The following KIAA0825 variants were observed in gnomAD, a reference collection of about 807,000 sequenced individuals.
The protein encoded by KIAA0825 is KIAA0825, also known as uncharacterized protein KIAA0825.
In KIAA0825, 119 loss-of-function variants were observed where a neutral mutation model predicts 147.6. That is an observed-to-expected ratio of 0.81 (90% CI 0.69 to 0.94). The LOEUF (loss-of-function observed/expected upper bound fraction) is 0.94. KIAA0825 is among the 40% of genes least tolerant of loss of function. The pLI, the probability that KIAA0825 is intolerant of heterozygous loss-of-function variation, is 0.00. For synonymous variants in KIAA0825, 470 were observed against 518.1 expected (o/e 0.91, Z 1.26); for missense variants, 1,381 against 1,472.7 (o/e 0.94, Z 1.02).
At chr5:94,339,278 A>G (rs1782119046) in intron 20 of KIAA0825, among the ~76,000 whole-genome samples, 1 of 152,160 alleles carries the variant, frequency 6.6e-6, no homozygotes, top group Non-Finnish European at 1.5e-5. Flanking sequence ...TCTTATAAAT[A>G]AAGCACTTTA....
At chr5:94,298,970 G>A (rs943628245) in intron 20 of KIAA0825, among the ~76,000 whole-genome samples, 4 of 152,036 alleles carry the variant, frequency 2.6e-5, no homozygotes, top group Admixed American at 1.3e-4. Context: ...CCCTCAATTC[G>A]CACTGTGTGG....
chr5:94,529,584 C>T (rs1770358429), intron 3 of KIAA0825, among the ~76,000 whole-genome samples: 1 of 151,572 alleles, frequency 6.6e-6, no homozygotes, highest in Non-Finnish European at 1.5e-5. Flanking sequence ...GAGAATATTT[C>T]TAGAAAATTA....
chr5:94,504,801 G>A (rs901406168), intron 5 of KIAA0825, among the ~76,000 whole-genome samples: 5 of 146,244 alleles, frequency 3.4e-5, no homozygotes, highest in Middle Eastern at 3.7e-3. Context: ...AGGCTAGAGC[G>A]CAGTGGCGTA....
At chr5:94,418,682 A>C (rs1167337303) in intron 14 of KIAA0825, among the ~76,000 whole-genome samples, 2 of 152,068 alleles carry the variant, frequency 1.3e-5, no homozygotes, top group Admixed American at 6.5e-5. Context: ...TACTGGGGTT[A>C]TTAACCCCAG....
intron 14 of KIAA0825, among the ~76,000 whole-genome samples, chr5:94,417,568 G>C (rs558869460): frequency 6.6e-6 from 1 of 151,840 alleles, no homozygotes. Flanking sequence ...GGATATTTAT[G>C]GAAAAAAACA....
intron 20 of KIAA0825, among the ~76,000 whole-genome samples, chr5:94,283,594 T>C (rs1469718841): frequency 6.6e-6 from 1 of 152,142 alleles, no homozygotes; most frequent in East Asian, 1.9e-4. Context: ...AATGTAGATA[T>C]AGCAAAATTT....
At chr5:94,572,469 G>A (rs893076665) in intron 2 of KIAA0825, among the ~76,000 whole-genome samples, 2 of 152,138 alleles carry the variant, frequency 1.3e-5, no homozygotes, top group Admixed American at 1.3e-4. Flanking sequence ...ACTCACATAT[G>A]AACCATGTCA....
chr5:94,171,145 G>A (rs1426118086), intron 20 of KIAA0825, among the ~76,000 whole-genome samples: 1 of 152,148 alleles, frequency 6.6e-6, no homozygotes, highest in Middle Eastern at 3.2e-3. Context: ...CATGTCATGG[G>A]AGGAACTTGG....
intron 1 of KIAA0825, among the ~76,000 whole-genome samples, chr5:94,585,079 C>A (rs2152375223): frequency 6.6e-6 from 1 of 152,214 alleles, no homozygotes; most frequent in East Asian, 1.9e-4. Flanking sequence ...CCAGCCACTG[C>A]AAAAACATGC....
Position 94,546,954 on chromosome 5 carries a change from G to T in KIAA0825, c.-1-9827C>A, listed in dbSNP as rs188497647. 1.5e-3 allele frequency among the ~76,000 whole-genome samples: 230 copies of T among 151,710 alleles called. 1 individual carries two copies. Among genetic ancestry groups the T allele is most frequent in the Non-Finnish European group, 6.8e-4 (46 of 67,976 alleles). On this transcript the variant is annotated intron_variant, in intron 2 of 20. Coordinates refer to ENST00000682413, the MANE Select transcript of KIAA0825 (RefSeq NM_001145678.3). The stretch of plus-strand genomic sequence containing the variant: ...AATAGCTGTGTTGAGGAAAATCAAA[G>T]AAATTCAAGATAACGCAGAGAAGGA...
chr5:94,453,777 C>A (rs548283064), intron 12 of KIAA0825, among the ~76,000 whole-genome samples: 2 of 152,166 alleles, frequency 1.3e-5, no homozygotes, highest in South Asian at 4.1e-4. Context: ...ACTTATGCTT[C>A]CCATGAGTAG....
At chr5:94,425,232 C>T (rs1345404813) in intron 14 of KIAA0825, among the ~76,000 whole-genome samples, 1 of 152,002 alleles carries the variant, frequency 6.6e-6, no homozygotes, top group Non-Finnish European at 1.5e-5. Context: ...CAAAAATTGT[C>T]AATAAAATGC....
intron 20 of KIAA0825, among the ~76,000 whole-genome samples, chr5:94,280,473 G>T (rs1053049327): frequency 1.3e-5 from 2 of 152,038 alleles, no homozygotes; most frequent in African/African-American, 4.8e-5. Context: ...TGCATAAAGA[G>T]ATTTGCCATT....
At chr5:94,581,708 A>C (rs1782220170) in intron 2 of KIAA0825, among the ~76,000 whole-genome samples, 1 of 152,182 alleles carries the variant, frequency 6.6e-6, no homozygotes, top group African/African-American at 2.4e-5. Context: ...AATATCTTTG[A>C]ATTGAAGATA....
chr5:94,178,716 C>T (rs1332258873), intron 20 of KIAA0825, among the ~76,000 whole-genome samples: 1 of 151,972 alleles, frequency 6.6e-6, no homozygotes, highest in Non-Finnish European at 1.5e-5. Flanking sequence ...GGTGGGAATG[C>T]AAAATAGTGT....
intron 20 of KIAA0825, among the ~76,000 whole-genome samples, chr5:94,331,269 T>G (rs1031178078): frequency 2.0e-5 from 3 of 151,754 alleles, no homozygotes; most frequent in African/African-American, 7.3e-5. Context: ...TCTAGAAGCA[T>G]TAAAGGGATA....
intron 20 of KIAA0825, among the ~76,000 whole-genome samples, chr5:94,205,304 G>A (rs367621660): frequency 7.0e-4 from 53 of 76,088 alleles, no homozygotes; most frequent in African/African-American, 2.5e-3. Context: ...TATATATTTT[G>A]TTTTGTTTTG....
chr5:94,425,112 A>G (rs936418757), intron 14 of KIAA0825, among the ~76,000 whole-genome samples: 6 of 152,188 alleles, frequency 3.9e-5, no homozygotes, highest in African/African-American at 1.4e-4. Flanking sequence ...AAAAGAAGGG[A>G]ATGTTTCTTA....
At position 94,582,597 on chromosome 5, in the gene KIAA0825, G is replaced by T. The variant is rs1032502916; in HGVS notation, c.-152-14C>A. 1.3e-5 allele frequency: 2 copies of T among 151,750 alleles called. No homozygotes were observed. The highest frequency in any genetic ancestry group is 3.9e-4 in the East Asian group (2 of 5,172). The allele number at this position is 151,750 out of a possible 1,614,324, so 9.4% of individuals were successfully genotyped here. ...TGTAAAATGTACCTGAAAAATGATT[G>T]CATAAAGCTTTATCACTGCCACAAT... On this transcript the variant is annotated splice_polypyrimidine_tract_variant and intron_variant, in intron 1 of 20. Coordinates refer to ENST00000682413, the MANE Select transcript of KIAA0825 (RefSeq NM_001145678.3).
Sources: gnomAD v4.1 joint callset for allele counts (sites outside exome capture counted in the v4.1 genomes callset) on GRCh38, gnomAD v4.1.1 for gene constraint, MANE v1.5 for transcripts, NCBI Gene and HGNC (gene_info 2026-07-23, HGNC 2026-07-21) for gene names.